BBOX1: variants seen among roughly 807,000 people sequenced by gnomAD.
BBOX1 encodes the protein gamma-butyrobetaine hydroxylase 1.
In BBOX1, 35 loss-of-function variants were observed where a neutral mutation model predicts 41.6. The ratio of observed to expected loss-of-function variants is 0.84; its 90% CI spans 0.64 to 1.11. The LOEUF (loss-of-function observed/expected upper bound fraction) is 1.11. Among genes scored for constraint, BBOX1 ranks in the 50% most tolerant of loss-of-function variants. The pLI is 0.00. For missense variants in BBOX1, 458 were observed against 460.6 expected, an observed-to-expected ratio of 0.99 and a Z score of 0.05; for synonymous variants, 163 against 154.7, an observed-to-expected ratio of 1.05 and a Z score of -0.40.
intron 7 of BBOX1, among the ~76,000 whole-genome samples, chr11:27,121,917 C>A (rs770834728): frequency 1.3e-5 from 2 of 152,092 alleles, no homozygotes; most frequent in Non-Finnish European, 2.9e-5. Context: ...CATGACTTGG[C>A]TTTGATATTT....
intron 4 of BBOX1, among the ~76,000 whole-genome samples, chr11:27,075,988 G>T (rs1416348022): frequency 1.3e-5 from 2 of 152,218 alleles, no homozygotes; most frequent in Non-Finnish European, 2.9e-5. Flanking sequence ...TCTACTGAAA[G>T]ACACTTCCCA....
At chr11:27,112,113 A>G (rs761824094) in intron 5 of BBOX1, among the ~76,000 whole-genome samples, 7 of 151,970 alleles carry the variant, frequency 4.6e-5, no homozygotes, top group Admixed American at 6.6e-5. Flanking sequence ...TATGTACTCA[A>G]TGAAGTCCAG....
intron 4 of BBOX1, among the ~76,000 whole-genome samples, chr11:27,067,555 C>T (rs751462436): frequency 3.5e-4 from 53 of 151,818 alleles, no homozygotes; most frequent in Non-Finnish European, 6.0e-4. Context: ...TATGGTGAAA[C>T]CCCATTTCTA....
At chr11:27,044,005 T>C (rs1851421771) in intron 2 of BBOX1, among the ~76,000 whole-genome samples, 1 of 152,204 alleles carries the variant, frequency 6.6e-6, no homozygotes, top group Non-Finnish European at 1.5e-5. Context: ...TCTAGATCCT[T>C]GAGGAATTGC....
intron 7 of BBOX1, among the ~76,000 whole-genome samples, chr11:27,124,520 A>G (rs1288276575): frequency 1.3e-5 from 2 of 152,074 alleles, no homozygotes; most frequent in Non-Finnish European, 2.9e-5. Context: ...TTATTTATTT[A>G]TTAATTTATT....
chr11:27,068,545 T>A (rs995798172), intron 4 of BBOX1, among the ~76,000 whole-genome samples: 2 of 152,104 alleles, frequency 1.3e-5, no homozygotes, highest in Non-Finnish European at 2.9e-5. Flanking sequence ...TTTTTTTTTC[T>A]TTTTTGCTAT....
chr11:27,078,960 G>T (rs1310087916), intron 4 of BBOX1, among the ~76,000 whole-genome samples: 2 of 152,094 alleles, frequency 1.3e-5, no homozygotes, highest in Non-Finnish European at 2.9e-5. Context: ...GCACACTGTG[G>T]ATGCTCAAAA....
At chr11:27,089,948 T>C (rs1308324624) in intron 4 of BBOX1, among the ~76,000 whole-genome samples, 1 of 152,026 alleles carries the variant, frequency 6.6e-6, no homozygotes, top group African/African-American at 2.4e-5. Context: ...TGGTATCAGA[T>C]ATTACAATCA....
At chr11:27,089,144 C>T (rs1014653967) in intron 4 of BBOX1, among the ~76,000 whole-genome samples, 4 of 151,804 alleles carry the variant, frequency 2.6e-5, no homozygotes, top group East Asian at 1.9e-4. Context: ...TCATGCATGA[C>T]CTATCTAGTG....
At chr11:27,053,044 A>G (rs1313987048) in intron 2 of BBOX1, among the ~76,000 whole-genome samples, 2 of 152,182 alleles carry the variant, frequency 1.3e-5, no homozygotes, top group Non-Finnish European at 2.9e-5. Flanking sequence ...AGCTGACAAA[A>G]TATTTCCTAG....
At chr11:27,117,390 A>G (rs1333222606) in intron 6 of BBOX1, among the ~76,000 whole-genome samples, 1 of 152,014 alleles carries the variant, frequency 6.6e-6, no homozygotes, top group Non-Finnish European at 1.5e-5. Flanking sequence ...ATTGTAAAAT[A>G]CCACATGATT....
At chr11:27,085,247 C>G (rs192569155) in intron 4 of BBOX1, among the ~76,000 whole-genome samples, 229 of 152,272 alleles carry the variant, frequency 1.5e-3, no homozygotes, top group South Asian at 6.0e-3. Context: ...TTACACTTCA[C>G]TTTACTGAGC....
chr11:27,105,436 C>T (rs935478648), intron 5 of BBOX1, among the ~76,000 whole-genome samples: 8 of 152,088 alleles, frequency 5.3e-5, no homozygotes, highest in East Asian at 1.9e-4. Context: ...ACGAGAACTA[C>T]GTGACGAATG....
chr11:27,065,395 C>T (rs1220520216), intron 4 of BBOX1, among the ~76,000 whole-genome samples: 1 of 152,118 alleles, frequency 6.6e-6, no homozygotes, highest in African/African-American at 2.4e-5. Flanking sequence ...TATATGTAAT[C>T]TATTATTCTC....
At chr11:27,116,013 C>A (rs918220493) in intron 6 of BBOX1, among the ~76,000 whole-genome samples, 11 of 152,010 alleles carry the variant, frequency 7.2e-5, no homozygotes, top group African/African-American at 2.7e-4. Flanking sequence ...TATAAAGACA[C>A]ATGCACATGT....
intron 2 of BBOX1, among the ~76,000 whole-genome samples, chr11:27,041,965 A>G (rs1169048991): frequency 6.6e-6 from 1 of 152,178 alleles, no homozygotes; most frequent in Non-Finnish European, 1.5e-5. Context: ...AAAGCTGACT[A>G]TAACATGCCT....
chr11:27,067,493 G>C (rs1309072651), intron 4 of BBOX1, among the ~76,000 whole-genome samples: 1 of 151,872 alleles, frequency 6.6e-6, no homozygotes, highest in Non-Finnish European at 1.5e-5. Flanking sequence ...CCAGGATTTT[G>C]GGAGGCCAAG....
chr11:27,094,022 C>T (rs1858345963), intron 5 of BBOX1, among the ~76,000 whole-genome samples: 1 of 151,934 alleles, frequency 6.6e-6, no homozygotes, highest in South Asian at 2.1e-4. Flanking sequence ...AAACTTTTAC[C>T]TCCCAAGAGT....
chr11:27,084,714 C>A (rs73430394), intron 4 of BBOX1, among the ~76,000 whole-genome samples: 1 of 152,102 alleles, frequency 6.6e-6, no homozygotes, highest in Non-Finnish European at 1.5e-5. Flanking sequence ...GCATGCTGTG[C>A]TCATGAATCT....
Sources: allele counts gnomAD v4.1 joint callset (sites outside exome capture counted in the v4.1 genomes callset), GRCh38; gene constraint gnomAD v4.1.1; transcripts MANE v1.5; gene names NCBI Gene and HGNC (gene_info 2026-07-23, HGNC 2026-07-21).